Variants in KCNH7 observed in about 807,000 individuals in gnomAD.
The protein encoded by KCNH7 is voltage-gated inwardly rectifying potassium channel KCNH7.
In KCNH7, 49 loss-of-function variants were observed where a neutral mutation model predicts 120.8. The ratio of observed to expected loss-of-function variants is 0.41; its 90% CI spans 0.32 to 0.51. The LOEUF is 0.51. Ranked by LOEUF, KCNH7 falls within the 20% of genes least tolerant of loss-of-function variation. The pLI is 0.38. For synonymous variants in KCNH7, 547 were observed against 516.1 expected, an observed-to-expected ratio of 1.06 and a Z score of -0.81; for missense variants, 1,097 against 1,446.6, an observed-to-expected ratio of 0.76 and a Z score of 3.92.
chr2:162,624,548 A>G (rs939739118), intron 2 of KCNH7, among the ~76,000 whole-genome samples: 3 of 152,152 alleles, frequency 2.0e-5, no homozygotes, highest in Non-Finnish European at 4.4e-5. Context: ...TAACCACCAG[A>G]CAATGCCCTT....
At chr2:162,520,793 A>C (rs773872857) in intron 3 of KCNH7, among the ~76,000 whole-genome samples, 1 of 151,760 alleles carries the variant, frequency 6.6e-6, no homozygotes, top group Non-Finnish European at 1.5e-5. Flanking sequence ...TTAATATATG[A>C]TTATGTAAAC....
intron 2 of KCNH7, among the ~76,000 whole-genome samples, chr2:162,596,873 C>T (rs573089712): frequency 1.3e-5 from 2 of 152,016 alleles, no homozygotes; most frequent in South Asian, 2.1e-4. Flanking sequence ...AAACAAATAA[C>T]CCAATTATAA....
chr2:162,716,403 TG>T (rs1419705429), intron 2 of KCNH7, among the ~76,000 whole-genome samples: 1 of 152,178 alleles, frequency 6.6e-6, no homozygotes, highest in Non-Finnish European at 1.5e-5. Flanking sequence ...AAAAATTTAC[TG>T]TTTTGTCTTC....
chr2:162,631,127 TG>T (rs768364147), intron 2 of KCNH7, among the ~76,000 whole-genome samples: 12 of 152,146 alleles, frequency 7.9e-5, no homozygotes, highest in Non-Finnish European at 1.6e-4. Flanking sequence ...AGGTTTGTCC[TG>T]GTATTTCATT....
chr2:162,664,508 A>G (rs2105284201), intron 2 of KCNH7, among the ~76,000 whole-genome samples: 1 of 152,296 alleles, frequency 6.6e-6, no homozygotes, highest in South Asian at 2.1e-4. Flanking sequence ...CTGATACACA[A>G]TTAGTTGATA....
At chr2:162,748,447 G>A (rs771654525) in intron 2 of KCNH7, among the ~76,000 whole-genome samples, 4 of 152,210 alleles carry the variant, frequency 2.6e-5, no homozygotes, top group Non-Finnish European at 5.9e-5. Flanking sequence ...TAGTCAAGCT[G>A]TTTGATGAAC....
chr2:162,461,049 G>A (rs1689130269), intron 6 of KCNH7, among the ~76,000 whole-genome samples: 1 of 152,150 alleles, frequency 6.6e-6, no homozygotes, highest in African/African-American at 2.4e-5. Context: ...GGAGAATAGA[G>A]AATTATGTAG....
At chr2:162,633,640 G>C (rs1333966396) in intron 2 of KCNH7, among the ~76,000 whole-genome samples, 5 of 151,658 alleles carry the variant, frequency 3.3e-5, no homozygotes, top group Non-Finnish European at 5.9e-5. Flanking sequence ...AAATAGAAAT[G>C]GTAAACTGAT....
At chr2:162,519,475 G>T (rs1305012187) in intron 3 of KCNH7, among the ~76,000 whole-genome samples, 1 of 151,778 alleles carries the variant, frequency 6.6e-6, no homozygotes, top group African/African-American at 2.4e-5. Flanking sequence ...ATGTTGACTA[G>T]CTCAGTGGGT....
rs956943159 is a variant in KCNH7 at position 162,395,696 on chromosome 2, T to TA, written c.2613+1043dup. On this transcript the variant is annotated intron_variant, in intron 11 of 15. Transcript: ENST00000332142. ...AACTAGAATCTTTTTCCACTTCAAT[T>TA]AAAAAAAACTTTTCAGAGTTTTAAA... 3.2e-3 allele frequency among the ~76,000 whole-genome samples: 483 copies of TA among 151,624 alleles called. 2 individuals carry two copies. The highest frequency in any genetic ancestry group is 0.011 in the African/African-American group (461 of 41,448).
At chr2:162,828,555 A>G (rs1160252006) in intron 2 of KCNH7, among the ~76,000 whole-genome samples, 1 of 152,178 alleles carries the variant, frequency 6.6e-6, no homozygotes, top group Non-Finnish European at 1.5e-5. Context: ...TTAAGAAAGA[A>G]TGATACATAA....
At chr2:162,604,694 C>T (rs1326751685) in intron 2 of KCNH7, among the ~76,000 whole-genome samples, 1 of 152,066 alleles carries the variant, frequency 6.6e-6, no homozygotes, top group East Asian at 1.9e-4. Flanking sequence ...GGAGGTCTTC[C>T]TCTTCCTCAG....
At chr2:162,659,882 G>C (rs1021722040) in intron 2 of KCNH7, among the ~76,000 whole-genome samples, 4 of 151,832 alleles carry the variant, frequency 2.6e-5, no homozygotes, top group Non-Finnish European at 4.4e-5. Context: ...TTAAATTTCT[G>C]GTAGAACTCA....
chr2:162,410,413 C>T (rs2105464083), intron 9 of KCNH7, among the ~76,000 whole-genome samples: 1 of 151,846 alleles, frequency 6.6e-6, no homozygotes, highest in South Asian at 2.1e-4. Context: ...GTTTTTCCAT[C>T]AACAAAAATT....
At chr2:162,784,655 G>A (rs886419895) in intron 2 of KCNH7, 1 of 151,986 alleles carries the variant, frequency 6.6e-6, no homozygotes, top group Admixed American at 6.6e-5. Context: ...CTGCAAACTT[G>A]GCAAATTTGG....
chr2:162,622,238 T>A (rs1683389616), intron 2 of KCNH7, among the ~76,000 whole-genome samples: 1 of 152,130 alleles, frequency 6.6e-6, no homozygotes, highest in Non-Finnish European at 1.5e-5. Flanking sequence ...ACATAAAACA[T>A]CATGGGAGAG....
chr2:162,386,422 T>C (rs1686573345), intron 12 of KCNH7, among the ~76,000 whole-genome samples: 1 of 151,840 alleles, frequency 6.6e-6, no homozygotes, highest in South Asian at 2.1e-4. Flanking sequence ...CCTCAAAACA[T>C]AATAGTTATA....
chr2:162,725,449 C>T (rs1409977200), intron 2 of KCNH7, among the ~76,000 whole-genome samples: 1 of 152,190 alleles, frequency 6.6e-6, no homozygotes, highest in East Asian at 1.9e-4. Flanking sequence ...AGGGTAACTG[C>T]AAGCATTCTG....
chr2:162,617,904 C>G (rs953578589), intron 2 of KCNH7, among the ~76,000 whole-genome samples: 2 of 151,950 alleles, frequency 1.3e-5, no homozygotes, highest in Non-Finnish European at 1.5e-5. Flanking sequence ...CTCTTTAAAG[C>G]TCTTCCATAA....
Sources: allele counts gnomAD v4.1 joint callset (sites outside exome capture counted in the v4.1 genomes callset), GRCh38; gene constraint gnomAD v4.1.1; transcripts MANE v1.5; gene names NCBI Gene and HGNC (gene_info 2026-07-23, HGNC 2026-07-21).